MYO1B: variants seen among roughly 807,000 people sequenced by gnomAD.
MYO1B encodes myosin IB.
A neutral mutation model predicts 159.7 loss-of-function variants in MYO1B; 72 were observed. That is an observed-to-expected ratio of 0.45 (90% CI 0.37 to 0.55). MYO1B has a LOEUF of 0.55. MYO1B is among the 20% of genes least tolerant of loss of function. The pLI is 0.00. For missense variants in MYO1B, 1,062 were observed against 1,364.8 expected (o/e 0.78, Z 3.50); for synonymous variants, 468 against 473.8 (o/e 0.99, Z 0.16).
chr2:191,367,686 A>G (rs1340303063), intron 11 of MYO1B, among the ~76,000 whole-genome samples: 1 of 152,224 alleles, frequency 6.6e-6, no homozygotes. Context: ...ATTAAGATGA[A>G]AAAGGGCTCA....
intron 17 of MYO1B, among the ~76,000 whole-genome samples, chr2:191,389,221 GA>G (rs1306897002): frequency 6.6e-6 from 1 of 152,200 alleles, no homozygotes; most frequent in Non-Finnish European, 1.5e-5. Flanking sequence ...TAGTAACACT[GA>G]TGCCAAACTA....
intron 3 of MYO1B, among the ~76,000 whole-genome samples, chr2:191,320,179 A>G (rs1009688278): frequency 1.3e-5 from 2 of 152,178 alleles, no homozygotes; most frequent in South Asian, 2.1e-4. Flanking sequence ...TCAACAGGCA[A>G]CACGGACCAG....
chr2:191,402,234 T>C (rs1186782295), intron 23 of MYO1B: 2 of 199,012 alleles, frequency 1.0e-5, no homozygotes, highest in South Asian at 1.8e-4. Flanking sequence ...TTCAGCCCAA[T>C]GTGCTGTCAG....
At chr2:191,256,055 A>G (rs569560252) in intron 1 of MYO1B, among the ~76,000 whole-genome samples, 1 of 152,164 alleles carries the variant, frequency 6.6e-6, no homozygotes, top group Non-Finnish European at 1.5e-5. Context: ...AGGCATGACA[A>G]TGGGATGGGA....
rs148044483 is a variant in MYO1B at position 191,403,175 on chromosome 2, C to G, written c.2556+457C>G. On this transcript the variant is annotated intron_variant, in intron 24 of 30. Transcript: ENST00000392318. ...AGCTTTCTTCAGAGCGACCATTGTT[C>G]TAATTGTTCAGCGTTGGAACCAAAG... Among the ~76,000 whole-genome samples, 34 of 152,260 alleles carry G rather than the reference C, an allele frequency of 2.2e-4. No individual in the cohort carries two copies. In the East Asian group the frequency reaches 6.2e-3, roughly 28 times the overall value.
chr2:191,338,391 T>G lies in MYO1B; in HGVS notation c.347-3070T>G, dbSNP rs1404469962. On this transcript the variant is annotated intron_variant, in intron 4 of 30. Transcript: ENST00000392318. ...TAAATAGGTTTTAAAGTTAATAAAG[T>G]GATTCTTAATTTCAGTTTAAATGAA... Among the ~76,000 whole-genome samples the G allele has an allele frequency of 2.0e-5, 3 of 152,236 alleles. No homozygotes were observed. The East Asian group carries it at 5.8e-4, about 29-fold the overall frequency.
At chr2:191,298,336 T>G (rs1689107490) in intron 3 of MYO1B, among the ~76,000 whole-genome samples, 1 of 152,234 alleles carries the variant, frequency 6.6e-6, no homozygotes, top group Non-Finnish European at 1.5e-5. Context: ...ATCTGAAATT[T>G]GTTTTATAAA....
chr2:191,296,860 C>T (rs1222794681), intron 3 of MYO1B, among the ~76,000 whole-genome samples: 1 of 152,084 alleles, frequency 6.6e-6, no homozygotes, highest in African/African-American at 2.4e-5. Context: ...CACTTTATAC[C>T]ACTACAATTT....
rs1233709923 is a variant in MYO1B at position 191,300,639 on chromosome 2, C to CTTTTTTTTTTTTT, written c.251+4417_251+4429dup. Among the ~76,000 whole-genome samples, 317 of 66,920 alleles carry CTTTTTTTTTTTTT rather than the reference C, an allele frequency of 4.7e-3. 75 individuals are homozygous for CTTTTTTTTTTTTT. The highest frequency in any genetic ancestry group is 0.015 in the African/African-American group (227 of 15,596). The allele number at this position is 66,920 out of a possible 152,430, so 43.9% of individuals were successfully genotyped here. ...TTACAGGTGTGACACTGTGCGCAGC[C>CTTTTTTTTTTTTT]TTTTTTTTTTTTTTTTAAGAGATGA... is the stretch of plus-strand genomic sequence containing the variant. On this transcript the variant is annotated intron_variant, in intron 3 of 30. Transcript: ENST00000392318.
chr2:191,346,775 C>A (rs1390506888), intron 6 of MYO1B, among the ~76,000 whole-genome samples: 1 of 152,136 alleles, frequency 6.6e-6, no homozygotes, highest in Non-Finnish European at 1.5e-5. Context: ...TAGAGTAGAA[C>A]TGAATAATAA....
chr2:191,392,029 G>A (rs1695785308), intron 18 of MYO1B, 79 bp from the exon 19 acceptor site: 2 of 1,001,080 alleles, frequency 2.0e-6, no homozygotes, highest in African/African-American at 3.2e-5. Context: ...TTATACCACT[G>A]AGAACCTGAT....
At chr2:191,392,280 A>T in intron 19 of MYO1B, 79 bp downstream of exon 19, 4 of 1,062,816 alleles carry the variant, frequency 3.8e-6, no homozygotes, top group Non-Finnish European at 5.5e-6. Flanking sequence ...TTAACTTTAT[A>T]ACATTATATG....
rs140478025 is a variant in MYO1B at position 191,341,704 on chromosome 2, C to T, written c.451+139C>T. On this transcript the variant is annotated intron_variant, in intron 5 of 30. Transcript: ENST00000392318. ...GAGATTCAGGCCAAGACCTGCTGAG[C>T]AAATAAGCCGTGTTCTAGAACCTCT... 5.3e-4 allele frequency: 317 copies of T among 596,718 alleles called. 1 individual carries two copies. The highest frequency in any genetic ancestry group is 3.0e-3 in the African/African-American group (161 of 53,144). 37.0% of individuals were successfully genotyped at this position (596,718 alleles called of 1,614,324 possible).
At chr2:191,307,626 G>A (rs1232922892) in intron 3 of MYO1B, among the ~76,000 whole-genome samples, 2 of 152,092 alleles carry the variant, frequency 1.3e-5, no homozygotes, top group African/African-American at 4.8e-5. Context: ...TACACAGTTA[G>A]CACAGACCAC....
At chr2:191,276,648 T>C (rs953344801) in intron 1 of MYO1B, among the ~76,000 whole-genome samples, 2 of 152,126 alleles carry the variant, frequency 1.3e-5, no homozygotes, top group African/African-American at 2.4e-5. Context: ...GTAGGTGGAC[T>C]TCACCAGGGA....
intron 5 of MYO1B, among the ~76,000 whole-genome samples, chr2:191,343,602 G>A (rs1361671422): frequency 6.6e-6 from 1 of 152,054 alleles, no homozygotes; most frequent in East Asian, 1.9e-4. Context: ...TTGACTTTTT[G>A]TTTATTGTCT....
intron 3 of MYO1B, among the ~76,000 whole-genome samples, chr2:191,320,825 A>G (rs896457471): frequency 6.0e-5 from 9 of 150,240 alleles, no homozygotes; most frequent in African/African-American, 2.2e-4. Flanking sequence ...ACCGCTGCCC[A>G]TTTTCTCTCC....
chr2:191,333,552 C>T (rs1574450847), intron 4 of MYO1B, among the ~76,000 whole-genome samples: 1 of 152,048 alleles, frequency 6.6e-6, no homozygotes, highest in Non-Finnish European at 1.5e-5. Context: ...TTCTTTTTGT[C>T]CACATGGAGA....
At chr2:191,283,390 G>A (rs901176791) in intron 2 of MYO1B, among the ~76,000 whole-genome samples, 3 of 152,196 alleles carry the variant, frequency 2.0e-5, no homozygotes, top group African/African-American at 7.2e-5. Context: ...GCACTAAGAA[G>A]CAAAAACTTG....
Sources: gnomAD v4.1 joint callset for allele counts (sites outside exome capture counted in the v4.1 genomes callset) on GRCh38, gnomAD v4.1.1 for gene constraint, MANE v1.5 for transcripts, NCBI Gene and HGNC (gene_info 2026-07-23, HGNC 2026-07-21) for gene names.